Variants in OXR1 observed in about 807,000 individuals in gnomAD.
OXR1 encodes the protein oxidation resistance protein 1.
A neutral mutation model predicts 104.6 loss-of-function variants in OXR1; 41 were observed. That is an observed-to-expected ratio of 0.39 (90% CI 0.31 to 0.51). The LOEUF (loss-of-function observed/expected upper bound fraction) is 0.51, where lower values mean the gene tolerates loss of function less well. OXR1 is among the 20% of genes least tolerant of loss of function. The pLI, the probability that OXR1 is intolerant of heterozygous loss-of-function variation, is 0.77. For missense variants in OXR1, 955 were observed against 1,031.9 expected, an observed-to-expected ratio of 0.93 and a Z score of 1.02; for synonymous variants, 348 against 348.4, an observed-to-expected ratio of 1.00 and a Z score of 0.01.
chr8:106,622,458 C>CAA (rs1156933095), intron 3 of OXR1, among the ~76,000 whole-genome samples: 1 of 130,208 alleles, frequency 7.7e-6, no homozygotes, highest in Non-Finnish European at 1.7e-5. Flanking sequence ...CCCCAGCACA[C>CAA]ACACACACAC....
chr8:106,414,674 A>T lies in OXR1; in HGVS notation c.23+55038A>T, dbSNP rs142661869. 3.7e-3 allele frequency among the ~76,000 whole-genome samples: 568 copies of T among 152,274 alleles called. 5 individuals carry two copies. The highest frequency in any genetic ancestry group is 5.7e-3 in the Admixed American group (87 of 15,274). ...AAGCAGTAAAAAATATTCCAGTCACAGTGACATGGTGAAGGATAGAGATTA... is the reference window on the plus strand; with the variant it reads ...AAGCAGTAAAAAATATTCCAGTCACTGTGACATGGTGAAGGATAGAGATTA... On this transcript the variant is annotated intron_variant, in intron 2 of 16. Transcript: ENST00000517566.
chr8:106,570,989 A>T (rs1315969822), intron 3 of OXR1, among the ~76,000 whole-genome samples: 1 of 152,020 alleles, frequency 6.6e-6, no homozygotes, highest in Non-Finnish European at 1.5e-5. Context: ...TGAGTCAAAG[A>T]TTCTAATTCA....
chr8:106,452,809 C>A (rs1214696947), intron 2 of OXR1, among the ~76,000 whole-genome samples: 1 of 152,002 alleles, frequency 6.6e-6, no homozygotes, highest in Non-Finnish European at 1.5e-5. Context: ...ATTTACAGTA[C>A]ATTTTAAGGG....
At chr8:106,599,114 T>C (rs1396688802) in intron 3 of OXR1, among the ~76,000 whole-genome samples, 1 of 152,206 alleles carries the variant, frequency 6.6e-6, no homozygotes, top group Non-Finnish European at 1.5e-5. Flanking sequence ...TTAAGGAGCC[T>C]AGCTGAAAGG....
At chr8:106,596,792 C>A (rs12114627) in intron 3 of OXR1, among the ~76,000 whole-genome samples, 1 of 151,940 alleles carries the variant, frequency 6.6e-6, no homozygotes, top group Admixed American at 6.6e-5. Context: ...CGGTGGCTCA[C>A]GCCTGTAATC....
chr8:106,378,568 G>A (rs1817002387), intron 2 of OXR1, among the ~76,000 whole-genome samples: 1 of 152,186 alleles, frequency 6.6e-6, no homozygotes, highest in African/African-American at 2.4e-5. Flanking sequence ...GGAGTGCGAT[G>A]GCACGATCTC....
chr8:106,604,107 G>A (rs979893283), intron 3 of OXR1, among the ~76,000 whole-genome samples: 1 of 151,968 alleles, frequency 6.6e-6, no homozygotes, highest in Non-Finnish European at 1.5e-5. Context: ...CACTTGCAGG[G>A]ATTAAATGGG....
intron 5 of OXR1, among the ~76,000 whole-genome samples, chr8:106,683,618 A>G (rs1828400651): frequency 6.6e-6 from 1 of 152,170 alleles, no homozygotes; most frequent in African/African-American, 2.4e-5. Context: ...CCTCCATCTC[A>G]AACTTTCAGT....
intron 16 of OXR1, among the ~76,000 whole-genome samples, chr8:106,748,426 G>A (rs1165345654): frequency 6.6e-6 from 1 of 151,888 alleles, no homozygotes. Flanking sequence ...CGTCATCACT[G>A]GTTATCCCAT....
chr8:106,515,954 C>T (rs1812829608), intron 2 of OXR1, among the ~76,000 whole-genome samples: 1 of 152,062 alleles, frequency 6.6e-6, no homozygotes. Flanking sequence ...ATTCTTTTAC[C>T]ATGTGATGAC....
At chr8:106,373,699 C>T (rs1816799746) in intron 2 of OXR1, among the ~76,000 whole-genome samples, 1 of 152,152 alleles carries the variant, frequency 6.6e-6, no homozygotes, top group Non-Finnish European at 1.5e-5. Context: ...AAGTGATTCT[C>T]CTGTCTCAGC....
chr8:106,346,602 C>T (rs1455594286), intron 1 of OXR1, among the ~76,000 whole-genome samples: 2 of 150,850 alleles, frequency 1.3e-5, no homozygotes, highest in East Asian at 1.9e-4. Flanking sequence ...TTTTTTTTCA[C>T]ATCAGCATGA....
At chr8:106,582,675 G>A (rs1483818484) in intron 3 of OXR1, among the ~76,000 whole-genome samples, 1 of 152,022 alleles carries the variant, frequency 6.6e-6, no homozygotes, top group Non-Finnish European at 1.5e-5. Flanking sequence ...ATAAAGTAGT[G>A]AAAAAAGCTT....
intron 2 of OXR1, among the ~76,000 whole-genome samples, chr8:106,375,984 G>A (rs1486696286): frequency 1.3e-5 from 2 of 151,966 alleles, no homozygotes; most frequent in Non-Finnish European, 2.9e-5. Context: ...GGAGTAGCTG[G>A]TACTACAGGC....
At chr8:106,366,781 G>A (rs1028691454) in intron 2 of OXR1, among the ~76,000 whole-genome samples, 1 of 151,786 alleles carries the variant, frequency 6.6e-6, no homozygotes, top group African/African-American at 2.4e-5. Flanking sequence ...GAATCTTCCT[G>A]TTAAGTGGAA....
At chr8:106,302,975 A>C (rs995921978) in intron 1 of OXR1, among the ~76,000 whole-genome samples, 2 of 151,464 alleles carry the variant, frequency 1.3e-5, no homozygotes, top group Admixed American at 6.6e-5. Flanking sequence ...GGATGGTCTC[A>C]ATCTCCTGAC....
At chr8:106,562,060 T>G (rs953264261) in intron 3 of OXR1, among the ~76,000 whole-genome samples, 1 of 152,224 alleles carries the variant, frequency 6.6e-6, no homozygotes, top group Middle Eastern at 3.4e-3. Flanking sequence ...CCAGAATGCC[T>G]CTTCTTCTCC....
intron 7 of OXR1, among the ~76,000 whole-genome samples, chr8:106,698,787 A>G (rs1416468798): frequency 6.6e-6 from 1 of 152,034 alleles, no homozygotes; most frequent in African/African-American, 2.4e-5. Context: ...GAATATGGTT[A>G]TAATAATTGT....
intron 3 of OXR1, among the ~76,000 whole-genome samples, chr8:106,659,647 G>A (rs1208859069): frequency 1.3e-5 from 2 of 152,186 alleles, no homozygotes; most frequent in Non-Finnish European, 2.9e-5. Context: ...AATATGTGGG[G>A]TAACTTAACT....
Sources: gnomAD v4.1 joint callset for allele counts (sites outside exome capture counted in the v4.1 genomes callset) on GRCh38, gnomAD v4.1.1 for gene constraint, MANE v1.5 for transcripts, NCBI Gene and HGNC (gene_info 2026-07-23, HGNC 2026-07-21) for gene names.